Variants in SGCD observed in about 807,000 individuals in gnomAD.
SGCD encodes the protein sarcoglycan delta.
A neutral mutation model predicts 36.6 loss-of-function variants in SGCD; 18 were observed. The ratio of observed to expected loss-of-function variants is 0.49; its 90% CI spans 0.34 to 0.73. SGCD has a LOEUF of 0.73. Ranked by LOEUF, SGCD falls within the 30% of genes least tolerant of loss-of-function variation. SGCD has a pLI of 0.01. For synonymous variants in SGCD, 133 were observed against 130.6 expected (o/e 1.02, Z -0.12); for missense variants, 387 against 346.7 (o/e 1.12, Z -0.92).
At chr5:156,239,399 C>CAAAAA (rs34839655) in intron 3 of SGCD, among the ~76,000 whole-genome samples, 2,211 of 72,016 alleles carry the variant, frequency 0.031, 85 homozygotes, top group East Asian at 0.044. Context: ...GATTTCATCT[C>CAAAAA]AAAAAAAAAA....
the SGCD span, among the ~76,000 whole-genome samples, chr5:155,864,757 T>C: frequency 6.6e-6 from 1 of 152,222 alleles, no homozygotes. Context: ...AACATTTGCA[T>C]GTGTGCGTAC....
chr5:155,742,765 C>G, the SGCD span, among the ~76,000 whole-genome samples: 3 of 152,176 alleles, frequency 2.0e-5, no homozygotes, highest in African/African-American at 7.2e-5. Flanking sequence ...AGGGCTCAGT[C>G]CCACAGGACT....
chr5:156,275,000 C>A (rs1029358874), intron 3 of SGCD, among the ~76,000 whole-genome samples: 1 of 152,072 alleles, frequency 6.6e-6, no homozygotes, highest in Non-Finnish European at 1.5e-5. Context: ...ACACAGGGAC[C>A]CAGTGTCTCC....
At chr5:156,071,296 C>T (rs1760553540) in intron 1 of SGCD, among the ~76,000 whole-genome samples, 1 of 152,182 alleles carries the variant, frequency 6.6e-6, no homozygotes, top group Admixed American at 6.5e-5. Context: ...CTACACACTG[C>T]TTTGAATGTG....
the SGCD span, among the ~76,000 whole-genome samples, chr5:155,816,091 A>G: frequency 6.6e-6 from 1 of 152,176 alleles, no homozygotes; most frequent in Non-Finnish European, 1.5e-5. Context: ...TTCTTTCAAG[A>G]ATTTGAAATT....
intron 3 of SGCD, among the ~76,000 whole-genome samples, chr5:156,237,648 C>G (rs572637219): frequency 6.6e-6 from 1 of 151,846 alleles, no homozygotes; most frequent in African/African-American, 2.4e-5. Flanking sequence ...AAAAACAAAG[C>G]GGGACACTTT....
chr5:156,610,635 C>T (rs1047044459), intron 6 of SGCD, among the ~76,000 whole-genome samples: 4 of 152,260 alleles, frequency 2.6e-5, no homozygotes, highest in Admixed American at 1.3e-4. Flanking sequence ...GCCCTGCCCC[C>T]GGAGGTGGAG....
chr5:156,570,121 A>G (rs1759659086), intron 4 of SGCD, among the ~76,000 whole-genome samples: 1 of 152,198 alleles, frequency 6.6e-6, no homozygotes, highest in African/African-American at 2.4e-5. Flanking sequence ...TAAAACAGCT[A>G]TGTTTACATT....
At chr5:156,452,005 G>C (rs1342139145) in intron 3 of SGCD, among the ~76,000 whole-genome samples, 1 of 152,138 alleles carries the variant, frequency 6.6e-6, no homozygotes, top group Non-Finnish European at 1.5e-5. Flanking sequence ...AACTGAGGCA[G>C]AGAGAAGCTA....
intron 4 of SGCD, among the ~76,000 whole-genome samples, chr5:156,565,297 G>A (rs1285427445): frequency 1.3e-5 from 2 of 152,194 alleles, no homozygotes; most frequent in African/African-American, 4.8e-5. Flanking sequence ...TTAGGGAAAT[G>A]TGATTTGACA....
chr5:156,122,417 G>A (rs887532904), intron 2 of SGCD, among the ~76,000 whole-genome samples: 2 of 152,094 alleles, frequency 1.3e-5, no homozygotes, highest in Non-Finnish European at 2.9e-5. Flanking sequence ...TATGTGGTAT[G>A]AGTTTACAAT....
At position 156,519,131 on chromosome 5, in the gene SGCD, T is replaced by TA. The variant is rs1212547355; in HGVS notation, c.294+10435dup. Reference sequence around the variant, plus strand: ...TAAGAGAAGAATCAGATAGACACAATAAAAAATGATAAAGGGGATATTATC... The same window carrying TA: ...TAAGAGAAGAATCAGATAGACACAATAAAAAAATGATAAAGGGGATATTATC... On this transcript the variant is annotated intron_variant, in intron 4 of 8. Coordinates refer to ENST00000337851, the MANE Select transcript of SGCD (RefSeq NM_000337.6). Among the ~76,000 whole-genome samples, 5 of 151,180 alleles carry TA rather than the reference T, an allele frequency of 3.3e-5. No homozygotes were observed. The South Asian group carries it at 1.0e-3, about 32-fold the overall frequency.
chr5:156,559,552 G>C (rs1759187489), intron 4 of SGCD, among the ~76,000 whole-genome samples: 1 of 152,128 alleles, frequency 6.6e-6, no homozygotes, highest in Non-Finnish European at 1.5e-5. Context: ...ACACAAACTA[G>C]AGAACAGGAA....
intron 7 of SGCD, among the ~76,000 whole-genome samples, chr5:156,656,274 G>A (rs1763673887): frequency 6.6e-6 from 1 of 152,030 alleles, no homozygotes; most frequent in South Asian, 2.1e-4. Flanking sequence ...TCAAATAATT[G>A]ATAGTTAAAG....
chr5:156,342,979 T>C (rs1223868195), intron 2 of SGCD, among the ~76,000 whole-genome samples: 1 of 152,228 alleles, frequency 6.6e-6, no homozygotes. Context: ...TAGGCCTTCA[T>C]GGAGCATTTC....
intron 3 of SGCD, among the ~76,000 whole-genome samples, chr5:156,151,395 A>G (rs1393536648): frequency 6.6e-6 from 1 of 151,190 alleles, no homozygotes; most frequent in Non-Finnish European, 1.5e-5. Flanking sequence ...CCTCTGCCCA[A>G]AACAATTGCA....
At chr5:156,586,757 T>C (rs1319892487) in intron 4 of SGCD, among the ~76,000 whole-genome samples, 1 of 152,232 alleles carries the variant, frequency 6.6e-6, no homozygotes. Flanking sequence ...TTTGGTTTTT[T>C]TGTTTTTTAA....
intron 1 of SGCD, among the ~76,000 whole-genome samples, chr5:156,026,350 T>C (rs1238442164): frequency 6.6e-6 from 1 of 152,192 alleles, no homozygotes; most frequent in Non-Finnish European, 1.5e-5. Context: ...GAAAACAACC[T>C]GAGATAAATG....
chr5:156,249,986 A>G (rs1269151463), intron 3 of SGCD, among the ~76,000 whole-genome samples: 1 of 152,180 alleles, frequency 6.6e-6, no homozygotes, highest in Non-Finnish European at 1.5e-5. Context: ...TTTTAACTAT[A>G]TGTGTCCATA....
Sources: allele counts gnomAD v4.1 joint callset (sites outside exome capture counted in the v4.1 genomes callset), GRCh38; gene constraint gnomAD v4.1.1; transcripts MANE v1.5; gene names NCBI Gene and HGNC (gene_info 2026-07-23, HGNC 2026-07-21).